Variants in MAGI2 observed in about 807,000 individuals in gnomAD.
The protein encoded by MAGI2 is membrane-associated guanylate kinase, WW and PDZ domain-containing protein 2.
A neutral mutation model predicts 133.3 loss-of-function variants in MAGI2; 35 were observed. The observed-to-expected ratio is 0.26, with a 90% CI of 0.20 to 0.35. The LOEUF (loss-of-function observed/expected upper bound fraction) is 0.35, where lower values mean the gene tolerates loss of function less well. Among genes scored for constraint, MAGI2 ranks in the 10% least tolerant of loss-of-function variants. The pLI, the probability that MAGI2 is intolerant of heterozygous loss-of-function variation, is 1.00. For missense variants in MAGI2, 1,636 were observed against 1,863.4 expected, an observed-to-expected ratio of 0.88 and a Z score of 2.25; for synonymous variants, 729 against 710.6, an observed-to-expected ratio of 1.03 and a Z score of -0.41.
chr7:78,139,820 A>G (rs1183771072), intron 16 of MAGI2, among the ~76,000 whole-genome samples: 2 of 152,090 alleles, frequency 1.3e-5, no homozygotes, highest in African/African-American at 4.8e-5. Context: ...GAAAAAAGAA[A>G]CCCAGCTTTT....
intron 2 of MAGI2, among the ~76,000 whole-genome samples, chr7:78,790,974 A>AGACAGTTTT (rs1827199120): frequency 6.6e-6 from 1 of 152,216 alleles, no homozygotes; most frequent in African/African-American, 2.4e-5. Flanking sequence ...GACTCCAAAT[A>AGACAGTTTT]ATACAGTCAA....
At chr7:78,871,014 A>G (rs753885067) in intron 2 of MAGI2, among the ~76,000 whole-genome samples, 1 of 152,290 alleles carries the variant, frequency 6.6e-6, no homozygotes, top group East Asian at 1.9e-4. Context: ...CCAAATGCAT[A>G]AGAACAATCT....
intron 1 of MAGI2, among the ~76,000 whole-genome samples, chr7:79,422,112 G>C (rs1301711740): frequency 6.6e-6 from 1 of 152,018 alleles, no homozygotes; most frequent in Non-Finnish European, 1.5e-5. Flanking sequence ...AATGACTTTG[G>C]TCAATTCTGA....
At chr7:79,012,368 G>A (rs12538053) in intron 1 of MAGI2, 102,833 of 151,974 alleles carry the variant, frequency 0.68, 34,935 homozygotes, top group Non-Finnish European at 0.7. Context: ...TCTTTGAGCC[G>A]GAAGTCTTCT....
intron 10 of MAGI2, among the ~76,000 whole-genome samples, chr7:78,205,285 C>A (rs1829628588): frequency 6.6e-6 from 1 of 152,188 alleles, no homozygotes; most frequent in Admixed American, 6.5e-5. Context: ...GCATCTGCCA[C>A]CACACCCAGC....
At chr7:78,312,434 T>C (rs1013226560) in intron 9 of MAGI2, among the ~76,000 whole-genome samples, 13 of 152,052 alleles carry the variant, frequency 8.5e-5, no homozygotes, top group Non-Finnish European at 1.9e-4. Context: ...TTAGAAATAA[T>C]CAACAGGCAA....
At chr7:78,402,451 G>T (rs1051404989) in intron 6 of MAGI2, among the ~76,000 whole-genome samples, 2 of 151,948 alleles carry the variant, frequency 1.3e-5, no homozygotes, top group African/African-American at 4.8e-5. Flanking sequence ...TGTCCACCTC[G>T]GGCGTGTGTG....
intron 3 of MAGI2, among the ~76,000 whole-genome samples, chr7:78,571,091 C>G (rs1210610912): frequency 4.6e-5 from 7 of 151,934 alleles, no homozygotes; most frequent in Admixed American, 4.6e-4. Context: ...AAGTGAAATG[C>G]TCTCTGTCAT....
At chr7:78,323,798 TA>T (rs1465712921) in intron 9 of MAGI2, among the ~76,000 whole-genome samples, 2 of 152,206 alleles carry the variant, frequency 1.3e-5, no homozygotes, top group Non-Finnish European at 2.9e-5. Context: ...GAAACACCTT[TA>T]ACTTAGTACT....
At chr7:78,070,537 CATATGTATATATGTGTAT>C (rs1814520576) in intron 21 of MAGI2, among the ~76,000 whole-genome samples, 1 of 119,480 alleles carries the variant, frequency 8.4e-6, no homozygotes, top group Admixed American at 7.8e-5. Context: ...TATATGTGTA[CATATGTATATATGTGTAT>C]ATATGTATAT....
intron 9 of MAGI2, among the ~76,000 whole-genome samples, chr7:78,327,880 T>G (rs528797686): frequency 6.6e-6 from 1 of 152,160 alleles, no homozygotes; most frequent in Non-Finnish European, 1.5e-5. Flanking sequence ...CAGCCTGCCA[T>G]CTTTGTATAA....
intron 14 of MAGI2, among the ~76,000 whole-genome samples, chr7:78,177,416 G>GCA (rs750332381): frequency 0.012 from 859 of 73,738 alleles, 5 homozygotes; most frequent in Non-Finnish European, 0.019. Context: ...CTGTGAATAC[G>GCA]CGCACACACA....
chr7:79,334,514 C>G (rs1840300215), intron 1 of MAGI2, among the ~76,000 whole-genome samples: 1 of 152,084 alleles, frequency 6.6e-6, no homozygotes, highest in Non-Finnish European at 1.5e-5. Context: ...CACTGGAGGC[C>G]TTGGCTGTTA....
At chr7:78,760,267 T>A (rs1045906064) in intron 2 of MAGI2, among the ~76,000 whole-genome samples, 6 of 152,074 alleles carry the variant, frequency 3.9e-5, no homozygotes, top group African/African-American at 1.4e-4. Flanking sequence ...AACAATGGTG[T>A]AACAGTTCCT....
At chr7:78,846,688 G>A (rs911867560) in intron 2 of MAGI2, among the ~76,000 whole-genome samples, 4 of 152,002 alleles carry the variant, frequency 2.6e-5, no homozygotes, top group Non-Finnish European at 2.9e-5. Flanking sequence ...TGGAACTGAC[G>A]ATAACTCTGC....
intron 1 of MAGI2, among the ~76,000 whole-genome samples, chr7:79,027,657 T>C (rs1810034138): frequency 6.6e-6 from 1 of 152,174 alleles, no homozygotes; most frequent in Admixed American, 6.5e-5. Flanking sequence ...CATTTCCAAA[T>C]TGCTGAGAGT....
rs1010400110 is a variant in MAGI2 at position 78,018,343 on chromosome 7, G to C, written c.*972C>G. On this transcript the variant is annotated 3_prime_UTR_variant, in exon 22 of 22. Transcript: ENST00000354212. ...AGTGCAAATGAAGTCATGGAGACAGGGTTTAAAATAAGACAATAAAATAAG... is the reference window on the plus strand; with the variant it reads ...AGTGCAAATGAAGTCATGGAGACAGCGTTTAAAATAAGACAATAAAATAAG... 2 of 152,466 alleles carry C rather than the reference G, an allele frequency of 1.3e-5. No individual in the cohort carries two copies. The highest frequency in any genetic ancestry group is 3.8e-4 in the East Asian group (2 of 5,198). The allele number at this position is 152,466 out of a possible 1,614,324, so 9.4% of individuals were successfully genotyped here. A position where few individuals can be genotyped will look rare whatever the true frequency, so the allele number is the denominator to read the frequency against.
At chr7:78,172,169 G>GA (rs1288124441) in intron 14 of MAGI2, among the ~76,000 whole-genome samples, 3 of 151,836 alleles carry the variant, frequency 2.0e-5, no homozygotes, top group Non-Finnish European at 2.9e-5. Flanking sequence ...ACACTAAAAA[G>GA]AAAAAAAACC....
intron 6 of MAGI2, among the ~76,000 whole-genome samples, chr7:78,436,435 T>G (rs564913745): frequency 6.6e-6 from 1 of 152,132 alleles, no homozygotes; most frequent in Non-Finnish European, 1.5e-5. Flanking sequence ...AACTTTCAAT[T>G]CTACCTGGAA....
Sources: gnomAD v4.1 joint callset for allele counts (sites outside exome capture counted in the v4.1 genomes callset) on GRCh38, gnomAD v4.1.1 for gene constraint, MANE v1.5 for transcripts, NCBI Gene and HGNC (gene_info 2026-07-23, HGNC 2026-07-21) for gene names.